The following LRRFIP2 variants were observed in gnomAD, a reference collection of about 807,000 sequenced individuals.
LRRFIP2 encodes the protein LRR binding FLII interacting protein 2.
LRRFIP2 carries 109 observed loss-of-function variants against 125.9 expected under a neutral mutation model. The observed-to-expected ratio is 0.87, with a 90% CI of 0.74 to 1.01. LRRFIP2 has a LOEUF of 1.01. LRRFIP2 is among the 50% of genes least tolerant of loss of function. The pLI, the probability that LRRFIP2 is intolerant of heterozygous loss-of-function variation, is 0.00. For synonymous variants in LRRFIP2, 291 were observed against 293.1 expected (o/e 0.99, Z 0.07); for missense variants, 850 against 862.3 (o/e 0.99, Z 0.18).
At chr3:37,122,163 C>T (rs1417522170) in intron 4 of LRRFIP2, among the ~76,000 whole-genome samples, 3 of 148,042 alleles carry the variant, frequency 2.0e-5, no homozygotes, top group South Asian at 2.1e-4. Flanking sequence ...TGAGAACACG[C>T]GGCGTTTGGT....
At chr3:37,056,458 CT>C (rs202119305) in intron 25 of LRRFIP2, among the ~76,000 whole-genome samples, 51,542 of 144,946 alleles carry the variant, frequency 0.36, 9,304 homozygotes, top group Non-Finnish European at 0.44. Flanking sequence ...AGAGGTTTTT[CT>C]TTTTTTTTTT....
At chr3:37,151,798 A>G (rs1172654049) in intron 1 of LRRFIP2, among the ~76,000 whole-genome samples, 1 of 152,126 alleles carries the variant, frequency 6.6e-6, no homozygotes, top group Non-Finnish European at 1.5e-5. Context: ...GGGTTTCGCC[A>G]TGTTGGCCAG....
At chr3:37,058,221 GA>G (rs2087475339) in intron 25 of LRRFIP2, among the ~76,000 whole-genome samples, 1 of 152,142 alleles carries the variant, frequency 6.6e-6, no homozygotes, top group African/African-American at 2.4e-5. Context: ...AAAGTTCCTA[GA>G]AATCACTTTA....
chr3:37,091,639 G>C, intron 17 of LRRFIP2, 101 bp from the exon 18 acceptor site: 3 of 771,708 alleles, frequency 3.9e-6, no homozygotes, highest in Non-Finnish European at 6.2e-6. Flanking sequence ...GTATATTCCA[G>C]ACTAAAAGCA....
intron 2 of LRRFIP2, among the ~76,000 whole-genome samples, chr3:37,143,191 T>C (rs895844712): frequency 3.9e-5 from 6 of 152,206 alleles, no homozygotes; most frequent in African/African-American, 1.2e-4. Context: ...CTCTTTTCTT[T>C]ATAAATCACC....
intron 2 of LRRFIP2, among the ~76,000 whole-genome samples, chr3:37,146,539 C>T (rs2149995110): frequency 6.6e-6 from 1 of 152,308 alleles, no homozygotes; most frequent in East Asian, 1.9e-4. Context: ...TTGTTCAGCT[C>T]CCACTTATAA....
intron 2 of LRRFIP2, among the ~76,000 whole-genome samples, chr3:37,134,077 G>A (rs184134015): frequency 2.6e-5 from 4 of 152,042 alleles, no homozygotes; most frequent in Admixed American, 2.6e-4. Flanking sequence ...AGCTACTTGG[G>A]AGGCTGAGGC....
chr3:37,075,995 A>G (rs1233881056), intron 19 of LRRFIP2, among the ~76,000 whole-genome samples: 1 of 152,186 alleles, frequency 6.6e-6, no homozygotes, highest in African/African-American at 2.4e-5. Flanking sequence ...ATCCATTTGG[A>G]AAAAGATAAA....
intron 1 of LRRFIP2, 21 bp from the exon 2 acceptor site, chr3:37,149,059 ATAACT>A (rs2095936969): frequency 1.3e-6 from 2 of 1,577,280 alleles, no homozygotes; most frequent in Non-Finnish European, 1.7e-6. Context: ...CAAAAACATA[ATAACT>A]TAAGGTATTT....
chr3:37,141,007 A>G (rs2095683265), intron 2 of LRRFIP2, among the ~76,000 whole-genome samples: 1 of 152,072 alleles, frequency 6.6e-6, no homozygotes, highest in Non-Finnish European at 1.5e-5. Context: ...AACAAAGCAA[A>G]CCCCCATCTC....
intron 6 of LRRFIP2, among the ~76,000 whole-genome samples, chr3:37,116,386 C>T (rs1454542844): frequency 6.6e-6 from 1 of 152,026 alleles, no homozygotes; most frequent in African/African-American, 2.4e-5. Flanking sequence ...ATTCTCCTAC[C>T]TCAGCCTTCC....
At chr3:37,117,812 C>T (rs917632338) in intron 6 of LRRFIP2, among the ~76,000 whole-genome samples, 2 of 152,100 alleles carry the variant, frequency 1.3e-5, no homozygotes, top group African/African-American at 4.8e-5. Context: ...ACACTAATAC[C>T]ACACATTTTC....
intron 8 of LRRFIP2, among the ~76,000 whole-genome samples, chr3:37,112,342 G>A (rs9863782): frequency 0.44 from 56,597 of 128,608 alleles, 11,682 homozygotes; most frequent in Non-Finnish European, 0.5. Context: ...CTCAAAAAAA[G>A]AAAAAAAAAA....
In LRRFIP2 at chr3:37,144,153, A is replaced by G. The variant is rs114529216; in HGVS notation, c.90+4741T>C. 6.5e-3 allele frequency among the ~76,000 whole-genome samples: 984 copies of G among 152,336 alleles called. 10 individuals are homozygous for G. Among genetic ancestry groups the G allele is most frequent in the African/African-American group, 0.022 (931 of 41,578 alleles). On this transcript the variant is annotated intron_variant, in intron 2 of 27. Coordinates refer to ENST00000336686, the MANE Select transcript of LRRFIP2 (RefSeq NM_006309.4). ...TGGTGAGACACGGCCCCTCATAGCT[A>G]CATCGACTCCAGGTGGCAGGTTCAG...
chr3:37,143,833 C>T (rs1338769230), intron 2 of LRRFIP2: 2 of 157,434 alleles, frequency 1.3e-5, no homozygotes, highest in Admixed American at 6.5e-5. Flanking sequence ...AGTAGTAACC[C>T]TCGTCTGGGG....
intron 2 of LRRFIP2, among the ~76,000 whole-genome samples, chr3:37,146,806 G>A (rs1205271518): frequency 6.6e-6 from 1 of 152,122 alleles, no homozygotes; most frequent in Non-Finnish European, 1.5e-5. Context: ...AAGGACATAA[G>A]CACAGGCAAA....
intron 5 of LRRFIP2, 27 bp from the exon 6 acceptor site, chr3:37,121,563 A>G (rs1368685641): frequency 2.5e-6 from 4 of 1,613,442 alleles, no homozygotes; most frequent in Non-Finnish European, 3.4e-6. Context: ...TAAACACAGT[A>G]AAAGTTTGTG....
intron 18 of LRRFIP2, among the ~76,000 whole-genome samples, chr3:37,087,376 A>C (rs1290846434): frequency 6.6e-6 from 1 of 152,202 alleles, no homozygotes; most frequent in Non-Finnish European, 1.5e-5. Context: ...GTGCCATATA[A>C]AACCACATGA....
intron 2 of LRRFIP2, among the ~76,000 whole-genome samples, chr3:37,135,753 C>T (rs910016155): frequency 1.3e-5 from 2 of 152,142 alleles, no homozygotes; most frequent in African/African-American, 4.8e-5. Flanking sequence ...ACTTGATATC[C>T]ACTAGGATTG....
Sources: allele counts gnomAD v4.1 joint callset (sites outside exome capture counted in the v4.1 genomes callset), GRCh38; gene constraint gnomAD v4.1.1; transcripts MANE v1.5; gene names NCBI Gene and HGNC (gene_info 2026-07-23, HGNC 2026-07-21).